CCDC3: variants seen among roughly 807,000 people sequenced by gnomAD.
CCDC3 encodes coiled-coil domain containing 3.
In CCDC3, 24 loss-of-function variants were observed where a neutral mutation model predicts 21.4. The ratio of observed to expected loss-of-function variants is 1.12; its 90% CI spans 0.81 to 1.58. The LOEUF is 1.58. Ranked by LOEUF, CCDC3 falls within the 40% of genes most tolerant of loss-of-function variation. The pLI is 0.00. For synonymous variants in CCDC3, 186 were observed against 166.0 expected (o/e 1.12, Z -0.93); for missense variants, 425 against 360.9 (o/e 1.18, Z -1.44).
chr10:13,022,633 G>C (rs987903785), intron 5 of CCDC3, among the ~76,000 whole-genome samples: 1 of 152,162 alleles, frequency 6.6e-6, no homozygotes, highest in African/African-American at 2.4e-5. Context: ...AATGCAAGGG[G>C]ACCCTCAATC....
intron 4 of CCDC3, among the ~76,000 whole-genome samples, chr10:13,057,123 T>C (rs1193207353): frequency 2.0e-5 from 3 of 151,704 alleles, no homozygotes; most frequent in Non-Finnish European, 4.4e-5. Flanking sequence ...CAAGACCCCA[T>C]CTCTATCAAA....
chr10:12,987,456 A>G (rs984732843), intron 2 of CCDC3, among the ~76,000 whole-genome samples: 3 of 152,144 alleles, frequency 2.0e-5, no homozygotes, highest in Non-Finnish European at 4.4e-5. Context: ...CTTTTTTTAA[A>G]TTATCATTAC....
Position 12,942,115 on chromosome 10 carries a change from T to TA in CCDC3, c.550-43437dup, listed in dbSNP as rs1363636881. Among the ~76,000 whole-genome samples the TA allele has an allele frequency of 5.9e-5, 9 of 152,170 alleles. No homozygotes were observed. The East Asian group carries it at 1.7e-3, about 29-fold the overall frequency. On this transcript the variant is annotated intron_variant, in intron 2 of 2. Transcript: ENST00000378825. ...CTTGTTTTCTCTAGAACCTTACAGC[T>TA]AGCCCTTTGACATGGAAATTTTAAG...
At chr10:12,969,675 A>T (rs1273847491) in intron 2 of CCDC3, among the ~76,000 whole-genome samples, 2 of 149,680 alleles carry the variant, frequency 1.3e-5, no homozygotes, top group East Asian at 1.9e-4. Context: ...TCTTAAAAAA[A>T]TTTTAGAAAT....
In CCDC3 at chr10:13,001,311, C is replaced by T; in HGVS notation, c.260G>A (p.Trp87Ter). 6.2e-7 allele frequency: 1 copy of T among 1,606,262 alleles called. No homozygotes were observed. Among genetic ancestry groups the T allele is most frequent in the Non-Finnish European group, 8.5e-7 (1 of 1,177,600 alleles). Residue 87 changes from tryptophan (W) to a stop codon, truncating the protein, a stop_gained, in exon 1 of 3, where the codon TGG becomes TAG. Coordinates refer to ENST00000378825, the MANE Select transcript of CCDC3 (RefSeq NM_031455.4). LOFTEE classifies it high-confidence loss of function. ...AEVEMLCDQA[W>*]GSMLEVPAGS... ...GGCGGGCACCTCCAGCATGCTGCCC[C>T]ACGCCTGGTCGCACAGCATCTCGAC...
chr10:12,980,452 C>T (rs1278825028), intron 2 of CCDC3, among the ~76,000 whole-genome samples: 4 of 152,138 alleles, frequency 2.6e-5, no homozygotes, highest in Non-Finnish European at 4.4e-5. Flanking sequence ...GTCTGTAAAA[C>T]CTCCGTGCCA....
At chr10:13,016,022 C>T (rs1228056665) in intron 5 of CCDC3, among the ~76,000 whole-genome samples, 3 of 151,938 alleles carry the variant, frequency 2.0e-5, no homozygotes, top group African/African-American at 7.2e-5. Context: ...GTGAGTATTA[C>T]ACACTGCATG....
In CCDC3 at chr10:13,018,867, T is replaced by C. The variant is rs1376550522; in HGVS notation, c.-1-20355A>G. Among the ~76,000 whole-genome samples, 5 of 148,820 alleles carry C rather than the reference T, an allele frequency of 3.4e-5. No individual in the cohort carries two copies. The Admixed American group carries it at 3.4e-4, about 10-fold the overall frequency. Reference sequence around the variant, plus strand: ...GAGAATTTGGCTTGAACCTGGGAGGTGGAGGTTTGCAGTGAGCCGAGATCA... The same window carrying C: ...GAGAATTTGGCTTGAACCTGGGAGGCGGAGGTTTGCAGTGAGCCGAGATCA... On this transcript the variant is annotated intron_variant, in intron 5 of 6. Transcript: ENST00000378839.
At chr10:13,097,648 C>A (rs1348855101) in intron 3 of CCDC3, among the ~76,000 whole-genome samples, 1 of 152,168 alleles carries the variant, frequency 6.6e-6, no homozygotes, top group Non-Finnish European at 1.5e-5. Flanking sequence ...CACTCAAACC[C>A]AGGAGGTGGA....
At chr10:12,985,351 TG>T (rs1835570796) in intron 2 of CCDC3, among the ~76,000 whole-genome samples, 1 of 152,160 alleles carries the variant, frequency 6.6e-6, no homozygotes, top group Non-Finnish European at 1.5e-5. Flanking sequence ...ACAGGACCTT[TG>T]GAAAATTAAT....
At chr10:12,986,741 C>T (rs540935050) in intron 2 of CCDC3, among the ~76,000 whole-genome samples, 5 of 151,418 alleles carry the variant, frequency 3.3e-5, no homozygotes, top group Admixed American at 3.3e-4. Context: ...CCACTGCACC[C>T]CAGCCTGGGC....
At chr10:12,981,663 T>C (rs1391977007) in intron 2 of CCDC3, among the ~76,000 whole-genome samples, 2 of 152,152 alleles carry the variant, frequency 1.3e-5, no homozygotes, top group Non-Finnish European at 2.9e-5. Flanking sequence ...GACTGCTGAC[T>C]TTTTGGCACA....
chr10:13,050,373 T>A (rs1228644114), intron 4 of CCDC3, among the ~76,000 whole-genome samples: 2 of 151,962 alleles, frequency 1.3e-5, no homozygotes, highest in Non-Finnish European at 2.9e-5. Flanking sequence ...ATAAGCCATA[T>A]CAATCCAAGG....
chr10:13,024,039 C>T (rs938427848), intron 5 of CCDC3, among the ~76,000 whole-genome samples: 2 of 152,118 alleles, frequency 1.3e-5, no homozygotes, highest in African/African-American at 4.8e-5. Context: ...CAGTTCTACT[C>T]CCTGGAACTG....
upstream of CCDC3, among the ~76,000 whole-genome samples, chr10:13,002,839 C>T (rs1835876046): frequency 6.6e-6 from 1 of 152,170 alleles, no homozygotes; most frequent in African/African-American, 2.4e-5. Flanking sequence ...ACTGGTGAGG[C>T]CTCTCTTCCT....
At chr10:13,034,953 T>C (rs1356440095) in intron 5 of CCDC3, among the ~76,000 whole-genome samples, 1 of 150,366 alleles carries the variant, frequency 6.7e-6, no homozygotes, top group South Asian at 2.1e-4. Flanking sequence ...TTGAACCCAG[T>C]AGGCAGATGT....
At chr10:13,004,753 GGCAATGAATA>G (rs1835906106), upstream of CCDC3, among the ~76,000 whole-genome samples, 1 of 152,020 alleles carries the variant, frequency 6.6e-6, no homozygotes, top group African/African-American at 2.4e-5. Flanking sequence ...ACATTGTTGA[GGCAATGAATA>G]CCCTCTGTTT....
intron 2 of CCDC3, among the ~76,000 whole-genome samples, chr10:12,983,984 G>A (rs1367888593): frequency 6.6e-6 from 1 of 152,188 alleles, no homozygotes; most frequent in Non-Finnish European, 1.5e-5. Flanking sequence ...GGAGACTGAG[G>A]TGGGAGAATC....
chr10:12,959,910 T>C (rs1835152986), intron 2 of CCDC3, among the ~76,000 whole-genome samples: 1 of 152,162 alleles, frequency 6.6e-6, no homozygotes, highest in African/African-American at 2.4e-5. Flanking sequence ...TCCCAGCACC[T>C]TGGGAGGCTG....
Sources: allele counts gnomAD v4.1 joint callset (sites outside exome capture counted in the v4.1 genomes callset), GRCh38; gene constraint gnomAD v4.1.1; transcripts MANE v1.5; gene names NCBI Gene and HGNC (gene_info 2026-07-23, HGNC 2026-07-21).